The following PSMA1 variants were observed in gnomAD, a reference collection of about 807,000 sequenced individuals.
PSMA1 encodes the protein proteasome 20S subunit alpha 1, also known as proteasome subunit alpha type-1.
PSMA1 carries 3 observed loss-of-function variants against 38.4 expected under a neutral mutation model. The ratio of observed to expected loss-of-function variants is 0.08; its 90% CI spans 0.04 to 0.20. The LOEUF is 0.20. PSMA1 is among the 10% of genes least tolerant of loss of function. The pLI is 1.00. For missense variants in PSMA1, 227 were observed against 325.3 expected, an observed-to-expected ratio of 0.70 and a Z score of 2.32; for synonymous variants, 101 against 107.1, an observed-to-expected ratio of 0.94 and a Z score of 0.35.
intron 2 of PSMA1, among the ~76,000 whole-genome samples, chr11:14,564,507 T>G (rs1852045793): frequency 6.6e-6 from 1 of 152,334 alleles, no homozygotes; most frequent in Middle Eastern, 3.4e-3. Flanking sequence ...TAAATATTCA[T>G]GTACAGATTT....
chr11:14,625,266 T>C (rs1445834202), intron 1 of PSMA1, among the ~76,000 whole-genome samples: 3 of 152,138 alleles, frequency 2.0e-5, no homozygotes, highest in Admixed American at 1.3e-4. Context: ...CTGGCCAACA[T>C]GGTGAAACCC....
intron 2 of PSMA1, among the ~76,000 whole-genome samples, chr11:14,552,093 T>C (rs1381351616): frequency 6.6e-6 from 1 of 152,132 alleles, no homozygotes; most frequent in East Asian, 1.9e-4. Flanking sequence ...GAGACAGAAA[T>C]GATCTTAGAG....
intron 2 of PSMA1, chr11:14,610,890 G>A: frequency 6.7e-7 from 1 of 1,493,440 alleles, no homozygotes; most frequent in Non-Finnish European, 9.3e-7. Flanking sequence ...TCTAGGTTTT[G>A]TTTTGTGGGG....
At chr11:14,618,300 A>C (rs1852800849) in intron 1 of PSMA1, among the ~76,000 whole-genome samples, 1 of 152,202 alleles carries the variant, frequency 6.6e-6, no homozygotes, top group Non-Finnish European at 1.5e-5. Context: ...CATTGACATA[A>C]TTTGTGAACT....
chr11:14,637,711 C>A (rs1181597973), intron 1 of PSMA1, among the ~76,000 whole-genome samples: 1 of 151,924 alleles, frequency 6.6e-6, no homozygotes, highest in African/African-American at 2.4e-5. Context: ...GTATGCATTC[C>A]TTAAAATTTA....
At chr11:14,530,564 A>G (rs1209850075) in intron 2 of PSMA1, among the ~76,000 whole-genome samples, 1 of 152,160 alleles carries the variant, frequency 6.6e-6, no homozygotes, top group Admixed American at 6.5e-5. Context: ...ATCTTTGTAC[A>G]TATGTTTAAT....
intron 1 of PSMA1, among the ~76,000 whole-genome samples, chr11:14,637,497 G>A (rs868482312): frequency 4.6e-5 from 7 of 152,156 alleles, no homozygotes; most frequent in Non-Finnish European, 7.4e-5. Flanking sequence ...GTAGCATCAA[G>A]TACATGCTGA....
intron 1 of PSMA1, among the ~76,000 whole-genome samples, chr11:14,635,878 CTCTTA>C (rs1158422502): frequency 6.6e-6 from 1 of 152,146 alleles, no homozygotes; most frequent in Non-Finnish European, 1.5e-5. Flanking sequence ...ATTTTTTACT[CTCTTA>C]TTTGTAGGAT....
chr11:14,512,204 G>A (rs1308547014), intron 7 of PSMA1, among the ~76,000 whole-genome samples: 4 of 152,004 alleles, frequency 2.6e-5, no homozygotes, highest in African/African-American at 4.8e-5. Context: ...GAGAAACCCC[G>A]TCTCTACTAA....
chr11:14,642,895 T>G (rs1213809908), intron 1 of PSMA1, among the ~76,000 whole-genome samples: 1 of 152,102 alleles, frequency 6.6e-6, no homozygotes, highest in Non-Finnish European at 1.5e-5. Context: ...TTGGAGAGGA[T>G]TCCTAGTTCT....
At chr11:14,507,611 G>A (rs1471649854) in intron 9 of PSMA1, 45 bp downstream of exon 9, 2 of 1,297,218 alleles carry the variant, frequency 1.5e-6, no homozygotes, top group South Asian at 1.2e-5. Context: ...GGTAAGAACA[G>A]CAGCTTACAA....
chr11:14,573,769 G>A (rs553650897), intron 2 of PSMA1, among the ~76,000 whole-genome samples: 3 of 152,290 alleles, frequency 2.0e-5, no homozygotes, highest in Non-Finnish European at 4.4e-5. Flanking sequence ...AAACCCCATC[G>A]TGTCAGCCCA....
intron 1 of PSMA1, among the ~76,000 whole-genome samples, chr11:14,639,517 A>G (rs1239096917): frequency 6.6e-6 from 1 of 152,224 alleles, no homozygotes; most frequent in Non-Finnish European, 1.5e-5. Context: ...ATGAAGATTG[A>G]GCTAAGATTG....
intron 2 of PSMA1, among the ~76,000 whole-genome samples, chr11:14,536,412 AACT>A (rs1218635332): frequency 6.6e-6 from 1 of 151,650 alleles, no homozygotes; most frequent in Non-Finnish European, 1.5e-5. Flanking sequence ...CTGTAATCCC[AACT>A]ACTCAGGAGG....
intron 2 of PSMA1, among the ~76,000 whole-genome samples, chr11:14,550,286 C>A (rs1383133006): frequency 6.6e-6 from 1 of 152,096 alleles, no homozygotes; most frequent in African/African-American, 2.4e-5. Flanking sequence ...GAAATCAAAT[C>A]AAAATAAAAC....
chr11:14,606,657 T>C (rs1312850054), intron 2 of PSMA1, among the ~76,000 whole-genome samples: 1 of 152,136 alleles, frequency 6.6e-6, no homozygotes, highest in Non-Finnish European at 1.5e-5. Context: ...TAAAAAGAAA[T>C]GGCAACATTA....
At chr11:14,530,145 T>C (rs1191718556) in intron 2 of PSMA1, among the ~76,000 whole-genome samples, 1 of 152,148 alleles carries the variant, frequency 6.6e-6, no homozygotes, top group Admixed American at 6.5e-5. Context: ...ACCCCTGCCC[T>C]ACCCCCCTGC....
rs766409773 is a variant in PSMA1, at chr11:14,513,932, GT to G, written c.344-46del. 4 of 1,533,758 alleles carry G rather than the reference GT, an allele frequency of 2.6e-6. No individual in the cohort carries two copies. The East Asian group carries it at 7.0e-5, about 27-fold the overall frequency. ...TTGTTTTAACAAGGAATGAAGTACT[GT>G]CTTTATTTTCAAATTATACATTATT... On this transcript the variant is annotated intron_variant, in intron 5 of 9. Coordinates refer to ENST00000396394, the MANE Select transcript of PSMA1 (RefSeq NM_002786.4).
upstream of PSMA1, chr11:14,520,412 G>A (rs2134152637): frequency 6.2e-7 from 1 of 1,612,424 alleles, no homozygotes. Flanking sequence ...TGACGGCGGC[G>A]GCGCAGGGTA....
Sources: allele counts gnomAD v4.1 joint callset (sites outside exome capture counted in the v4.1 genomes callset), GRCh38; gene constraint gnomAD v4.1.1; transcripts MANE v1.5; gene names NCBI Gene and HGNC (gene_info 2026-07-23, HGNC 2026-07-21).